The following ITGA9 variants were observed in gnomAD, a reference collection of about 807,000 sequenced individuals.
ITGA9 encodes integrin alpha-9.
ITGA9 carries 56 observed loss-of-function variants against 127.8 expected under a neutral mutation model. That is an observed-to-expected ratio of 0.44 (90% CI 0.35 to 0.55). The LOEUF is 0.55. Ranked by LOEUF, ITGA9 falls within the 20% of genes least tolerant of loss-of-function variation. The pLI is 0.00. For synonymous variants in ITGA9, 508 were observed against 514.5 expected (o/e 0.99, Z 0.17); for missense variants, 1,196 against 1,347.1 (o/e 0.89, Z 1.76).
intron 14 of ITGA9, among the ~76,000 whole-genome samples, chr3:37,534,864 T>C (rs769846101): frequency 5.3e-5 from 8 of 152,228 alleles, no homozygotes; most frequent in Non-Finnish European, 1.2e-4. Context: ...TTTTGCTTTC[T>C]AACAACTATT....
intron 3 of ITGA9, among the ~76,000 whole-genome samples, chr3:37,479,313 A>C (rs1199854312): frequency 6.6e-6 from 1 of 152,206 alleles, no homozygotes; most frequent in Non-Finnish European, 1.5e-5. Context: ...TATCAAGGAG[A>C]GGAGTGAATG....
chr3:37,468,969 C>G (rs369946417), intron 1 of ITGA9, among the ~76,000 whole-genome samples: 2 of 152,212 alleles, frequency 1.3e-5, no homozygotes, highest in Non-Finnish European at 2.9e-5. Context: ...CCAAATGGCT[C>G]GTAGCTCAGC....
intron 9 of ITGA9, among the ~76,000 whole-genome samples, chr3:37,514,844 A>G (rs972822916): frequency 2.0e-5 from 3 of 152,188 alleles, no homozygotes; most frequent in African/African-American, 7.2e-5. Context: ...AGGATTACAG[A>G]CGTGAGCCAC....
chr3:37,736,643 G>C (rs984217701), intron 19 of ITGA9, among the ~76,000 whole-genome samples: 1 of 152,152 alleles, frequency 6.6e-6, no homozygotes, highest in Non-Finnish European at 1.5e-5. Context: ...AGAAAGTCCC[G>C]GTTAAAGAGT....
chr3:37,623,645 A>G (rs893810230), intron 15 of ITGA9, among the ~76,000 whole-genome samples: 1 of 150,584 alleles, frequency 6.6e-6, no homozygotes, highest in African/African-American at 2.4e-5. Context: ...AAGTTCCATG[A>G]TAATTTTAAA....
intron 15 of ITGA9, among the ~76,000 whole-genome samples, chr3:37,580,785 T>G (rs1245349944): frequency 6.6e-6 from 1 of 152,194 alleles, no homozygotes; most frequent in Non-Finnish European, 1.5e-5. Context: ...GGCTTCCTGC[T>G]GTATTTCTGT....
chr3:37,494,589 C>A (rs749435967), intron 5 of ITGA9, 21 bp downstream of exon 5: 1 of 1,600,856 alleles, frequency 6.2e-7, no homozygotes, highest in Non-Finnish European at 8.6e-7. Flanking sequence ...GCTGTCTGGG[C>A]ATTTCTGTTC....
At chr3:37,658,508 C>A (rs1453976570) in intron 17 of ITGA9, among the ~76,000 whole-genome samples, 1 of 151,970 alleles carries the variant, frequency 6.6e-6, no homozygotes, top group Non-Finnish European at 1.5e-5. Flanking sequence ...GGATTGCAAC[C>A]CCTACTCTCT....
At chr3:37,684,094 C>CAAT in intron 18 of ITGA9, 79 bp downstream of exon 18, 1 of 1,186,660 alleles carries the variant, frequency 8.4e-7, no homozygotes, top group Non-Finnish European at 1.3e-6. Context: ...CTGGAATAGG[C>CAAT]AATGATTCTA....
chr3:37,822,082 AC>A lies in ITGA9; in HGVS notation c.*3096del, dbSNP rs1015589729. On this transcript the variant is annotated 3_prime_UTR_variant, in exon 28 of 28. Coordinates refer to ENST00000264741, the MANE Select transcript of ITGA9 (RefSeq NM_002207.3). ...TGGGGTGGATCAGTACATCTGTGTTACCCTTCCAGAATATTATTTGAAAATT... is the reference window on the plus strand; with the variant it reads ...TGGGGTGGATCAGTACATCTGTGTTACCTTCCAGAATATTATTTGAAAATT... 1 of 151,936 alleles carries A rather than the reference AC, an allele frequency of 6.6e-6. No individual in the cohort carries two copies. Among genetic ancestry groups the A allele is most frequent in the African/African-American group, 2.4e-5 (1 of 41,362 alleles). 9.4% of individuals were successfully genotyped at this position (151,936 alleles called of 1,614,324 possible). A position where few individuals can be genotyped will look rare whatever the true frequency, so the allele number is the denominator to read the frequency against.
chr3:37,767,086 A>G (rs1448959819), intron 23 of ITGA9, among the ~76,000 whole-genome samples: 1 of 152,228 alleles, frequency 6.6e-6, no homozygotes, highest in Admixed American at 6.5e-5. Context: ...TTGGCCTGTC[A>G]CACGCAAAGG....
chr3:37,524,142 G>T (rs1291391236), intron 12 of ITGA9, among the ~76,000 whole-genome samples: 1 of 152,174 alleles, frequency 6.6e-6, no homozygotes, highest in Non-Finnish European at 1.5e-5. Flanking sequence ...TGCCTGTGGT[G>T]GTTGTGGCTA....
At chr3:37,589,646 T>G (rs952799716) in intron 15 of ITGA9, among the ~76,000 whole-genome samples, 4 of 152,018 alleles carry the variant, frequency 2.6e-5, no homozygotes, top group African/African-American at 9.7e-5. Context: ...GAGAGAACCA[T>G]GTGGAGGGAT....
At chr3:37,666,318 G>A (rs181043088) in intron 17 of ITGA9, among the ~76,000 whole-genome samples, 9 of 152,298 alleles carry the variant, frequency 5.9e-5, no homozygotes, top group Admixed American at 1.3e-4. Flanking sequence ...GGAAGCCTGC[G>A]GTGAGGATGT....
In ITGA9 at chr3:37,629,090, G is replaced by C; in HGVS notation, c.1690-97G>C. On this transcript the variant is annotated intron_variant, in intron 15 of 27. Coordinates refer to ENST00000264741, the MANE Select transcript of ITGA9 (RefSeq NM_002207.3). The surrounding 1 kb of genome is among the most constrained non-coding windows in gnomAD (Gnocchi z 4.5). ...ACGAGGGTGATTGTGAGGATTATAT[G>C]AGGCAATTCATGTAGAAGGTCTTTG... 2.2e-6 allele frequency: 3 copies of C among 1,384,266 alleles called. No individual in the cohort carries two copies. The Admixed American group carries it at 5.1e-5, about 23-fold the overall frequency. The allele number at this position is 1,384,266 out of a possible 1,614,324, so 85.7% of individuals were successfully genotyped here.
intron 23 of ITGA9, among the ~76,000 whole-genome samples, chr3:37,771,021 G>T (rs1454568339): frequency 6.6e-6 from 1 of 152,198 alleles, no homozygotes; most frequent in Non-Finnish European, 1.5e-5. Context: ...TTCCTTGTTT[G>T]GGTGCCTGGT....
rs1464996455 is a variant in ITGA9, at chr3:37,471,142, A to G, written c.313+8A>G. 6.2e-7 allele frequency: 1 copy of G among 1,613,690 alleles called. No homozygotes were observed. The highest frequency in any genetic ancestry group is 2.2e-5 in the East Asian group (1 of 44,846). ...AACTGGACATGGCTCGAGGTGGGTG[A>G]CCATTACTGCTGTGGTGGAAATGGG... On this transcript the variant is annotated splice_region_variant and intron_variant, in intron 2 of 27. Transcript: ENST00000264741.
intron 17 of ITGA9, among the ~76,000 whole-genome samples, chr3:37,678,292 A>G (rs1376442524): frequency 2.6e-5 from 4 of 152,234 alleles, no homozygotes; most frequent in East Asian, 1.9e-4. Flanking sequence ...TCCTACCAAC[A>G]GTGCACAAGG....
At chr3:37,640,831 T>C (rs1048944158) in intron 16 of ITGA9, among the ~76,000 whole-genome samples, 1 of 151,732 alleles carries the variant, frequency 6.6e-6, no homozygotes, top group African/African-American at 2.4e-5. Context: ...TCACTGGGGG[T>C]GCCATCGGCT....
Sources: allele counts gnomAD v4.1 joint callset (sites outside exome capture counted in the v4.1 genomes callset), GRCh38; gene constraint gnomAD v4.1.1; non-coding constraint Gnocchi (gnomAD v3.1); transcripts MANE v1.5; gene names NCBI Gene and HGNC (gene_info 2026-07-23, HGNC 2026-07-21).